Variants in SCN4A observed in about 807,000 individuals in gnomAD.
SCN4A encodes sodium voltage-gated channel alpha subunit 4.
SCN4A carries 83 observed loss-of-function variants against 162.0 expected under a neutral mutation model. The ratio of observed to expected loss-of-function variants is 0.51; its 90% CI spans 0.43 to 0.61. The LOEUF (loss-of-function observed/expected upper bound fraction) is 0.61. SCN4A is among the 20% of genes least tolerant of loss of function. The pLI, the probability that SCN4A is intolerant of heterozygous loss-of-function variation, is 0.00. For missense variants in SCN4A, 2,196 were observed against 2,462.5 expected, an observed-to-expected ratio of 0.89 and a Z score of 2.29; for synonymous variants, 944 against 985.1, an observed-to-expected ratio of 0.96 and a Z score of 0.78.
rs1370194200 is a variant in SCN4A at position 63,949,420 on chromosome 17, C to T, written c.2962G>A (p.Glu988Lys). The T allele has an allele frequency of 1.3e-6, 2 of 1,592,406 alleles. No individual in the cohort carries two copies. Among genetic ancestry groups the T allele is most frequent in the Non-Finnish European group, 8.6e-7 (1 of 1,168,810 alleles). ...EEQAEENPEG[E>K]QPEECFTEAC... ...TCAGTGAAGCACTCCTCAGGCTGCT[C>T]CCCCTCGGGGTTCTCCTCTGCCTGC... The change falls in exon 15 of 24, where the codon GAG becomes AAG. Residue 988 changes from glutamate (E) to lysine (K), a missense_variant. Physicochemically the swap from Glu to Lys is moderately conservative, Grantham distance 56. Transcript: ENST00000435607.
chr17:63,966,009 A>G, intron 8 of SCN4A, 93 bp downstream of exon 8: 1 of 955,072 alleles, frequency 1.0e-6, no homozygotes, highest in Non-Finnish European at 1.6e-6. Flanking sequence ...GGGGTTGGCC[A>G]TCCTGTGGTA....
chr17:63,948,177 C>CACAACT, intron 16 of SCN4A, 114 bp from the exon 17 acceptor site: 1 of 782,430 alleles, frequency 1.3e-6, no homozygotes, highest in Non-Finnish European at 2.0e-6. Flanking sequence ...GGGGGCCCAG[C>CACAACT]CCAAGGGACA....
At position 63,944,692 on chromosome 17, in the gene SCN4A, A is replaced by C. The variant is rs886043595; in HGVS notation, c.3893T>G (p.Phe1298Cys). The C allele has an allele frequency of 6.2e-7, 1 of 1,608,722 alleles. No homozygotes were observed. Among genetic ancestry groups the C allele is most frequent in the Non-Finnish European group, 8.5e-7 (1 of 1,177,530 alleles). The change falls in exon 21 of 24, where the codon TTC becomes TGC. Residue 1298 changes from phenylalanine (F) to cysteine (C), a missense_variant. By Grantham distance (205) the Phe-to-Cys change is radical. Transcript: ENST00000435607. This position sits in a 1 kb window ranked among gnomAD's most constrained non-coding sequence, Gnocchi z 4.3. ...NLFIGVIIDN[F>C]NQQKKKLGGK... ...ACTCATCTTCTTCTTCTGCTGGTTGAAGTTGTCAATGATGACGCCAATGAA... is the reference window on the plus strand; with the variant it reads ...ACTCATCTTCTTCTTCTGCTGGTTGCAGTTGTCAATGATGACGCCAATGAA...
At chr17:63,963,543 G>A in intron 10 of SCN4A, 129 bp downstream of exon 10, 4 of 968,476 alleles carry the variant, frequency 4.1e-6, no homozygotes, top group Non-Finnish European at 5.7e-6. Context: ...GCCCCACCCT[G>A]ACCTCAGGGG....
intron 11 of SCN4A, among the ~76,000 whole-genome samples, chr17:63,960,541 G>A (rs1376914129): frequency 6.6e-6 from 1 of 152,210 alleles, no homozygotes; most frequent in African/African-American, 2.4e-5. Context: ...AAGGGAATTG[G>A]GAAGGGTGGG....
chr17:63,948,453 A>G (rs1908798554), intron 16 of SCN4A, among the ~76,000 whole-genome samples, 158 bp downstream of exon 16: 1 of 152,148 alleles, frequency 6.6e-6, no homozygotes, highest in South Asian at 2.1e-4. Context: ...AGCACATCCT[A>G]TAACCTATCC....
At chr17:63,966,330 A>C in intron 7 of SCN4A, 87 bp from the exon 8 acceptor site, 1 of 1,472,964 alleles carries the variant, frequency 6.8e-7, no homozygotes, top group Non-Finnish European at 9.3e-7. Context: ...AAATTCCGTC[A>C]GTTCTGCCTG....
Position 63,957,157 on chromosome 17 carries a change from C to A in SCN4A, c.2376+5G>T. ...GGCAGGGGCCACCCAGCCAGCCTCA[C>A]TCACCACAAGATTGCCGATGACCAT... is the stretch of plus-strand genomic sequence containing the variant. On this transcript the variant is annotated splice_donor_5th_base_variant and intron_variant, in intron 13 of 23. Coordinates refer to ENST00000435607, the MANE Select transcript of SCN4A (RefSeq NM_000334.4). 1 of 1,560,570 alleles carries A rather than the reference C, an allele frequency of 6.4e-7. No individual in the cohort carries two copies. Among genetic ancestry groups the A allele is most frequent in the South Asian group, 1.2e-5 (1 of 82,196 alleles).
Position 63,951,622 on chromosome 17 carries a change from C to A in SCN4A, c.2655G>T (p.Glu885Asp). Residue 885 changes from glutamate to aspartate, a missense_variant, in exon 14 of 24, where the codon GAG becomes GAT. Glu to Asp is a conservative substitution (Grantham distance 45). Coordinates refer to ENST00000435607, the MANE Select transcript of SCN4A (RefSeq NM_000334.4). This position sits in a 1 kb window ranked among gnomAD's most constrained non-coding sequence, Gnocchi z 4.5. The stretch of plus-strand genomic sequence containing the variant: ...GGATGTGATTGTCCTTCTTCAGGTC[C>A]TCCTCGGGCGGCTCCTTCTTCTCAT... ...PEDEKKEPPE[E>D]DLKKDNHILN... 6.2e-7 allele frequency: 1 copy of A among 1,613,588 alleles called. No homozygotes were observed. Among genetic ancestry groups the A allele is most frequent in the Non-Finnish European group, 8.5e-7 (1 of 1,179,720 alleles).
In SCN4A at chr17:63,945,628, T is replaced by A; in HGVS notation, c.3452A>T (p.Asn1151Ile). Residue 1151 changes from asparagine (N) to isoleucine (I), a missense_variant, in exon 19 of 24, where the codon AAC (asparagine) becomes ATC (isoleucine). Asn to Ile is a moderately radical substitution (Grantham distance 149). Coordinates refer to ENST00000435607, the MANE Select transcript of SCN4A (RefSeq NM_000334.4). The surrounding 1 kb of genome is among the most constrained non-coding windows in gnomAD (Gnocchi z 4.4). ...GGAGGGGATGGCGCCTAGGAGGGCG[T>A]TCACCACCACCTGGGGGCCAGGGGG... ...SRFEGMRVVV[N>I]ALLGAIPSIM... 6.2e-7 allele frequency: 1 copy of A among 1,613,734 alleles called. No individual in the cohort carries two copies. The highest frequency in any genetic ancestry group is 8.5e-7 in the Non-Finnish European group (1 of 1,179,796).
At position 63,941,884 on chromosome 17, in the gene SCN4A, C is replaced by T. The variant is rs1384075799; in HGVS notation, c.4398G>A (p.Lys1466=). The T allele has an allele frequency of 1.5e-5, 24 of 1,613,482 alleles. No individual in the cohort carries two copies. The highest frequency in any genetic ancestry group is 2.0e-5 in the Non-Finnish European group (23 of 1,179,484). The change falls in exon 24 of 24, where the codon AAG becomes AAA. Residue 1466 remains lysine (K), a synonymous_variant. Transcript: ENST00000435607. This position sits in a 1 kb window ranked among gnomAD's most constrained non-coding sequence, Gnocchi z 6.2. ...GGGCGAACAGCAGCGTCCGGATGCC[C>T]TTGGCCCCGCGGATCAGCCGCAGGA... ...GRVLRLIRGA[K]GIRTLLFALM... is the part of the protein sequence containing the mutation.
chr17:63,948,305 G>T (rs1477788935), intron 16 of SCN4A, among the ~76,000 whole-genome samples: 1 of 152,144 alleles, frequency 6.6e-6, no homozygotes, highest in Non-Finnish European at 1.5e-5. Flanking sequence ...GCCATCATCT[G>T]CTGGGCAGGT....
In SCN4A at chr17:63,949,426, C is replaced by T. The variant is rs369128679; in HGVS notation, c.2956G>A (p.Glu986Lys). 42 of 1,596,512 alleles carry T rather than the reference C, an allele frequency of 2.6e-5. No individual in the cohort carries two copies. The highest frequency in any genetic ancestry group is 5.4e-5 in the African/African-American group (4 of 74,594). The change falls in exon 15 of 24, where the codon GAG (glutamate) becomes AAG (lysine). Residue 986 changes from glutamate (E) to lysine (K), a missense_variant. Physicochemically the swap from Glu to Lys is moderately conservative, Grantham distance 56. Transcript: ENST00000435607. Reference protein sequence around the residue: ...DPEEQAEENPEGEQPEECFTE... With the variant: ...DPEEQAEENPKGEQPEECFTE... ...AAGCACTCCTCAGGCTGCTCCCCCT[C>T]GGGGTTCTCCTCTGCCTGCTCCTCA...
intron 5 of SCN4A, among the ~76,000 whole-genome samples, chr17:63,970,668 G>A (rs375110413): frequency 6.6e-6 from 1 of 151,094 alleles, no homozygotes; most frequent in Non-Finnish European, 1.5e-5. Flanking sequence ...GAATCTCACT[G>A]TGTTGCCTAG....
At chr17:63,971,401 G>A (rs543581907) in intron 4 of SCN4A, 148 bp from the exon 5 acceptor site, 313 of 647,718 alleles carry the variant, frequency 4.8e-4, no homozygotes, top group Non-Finnish European at 7.4e-4. Context: ...CACCCCCAAA[G>A]CTCCTCTGGG....
chr17:63,953,219 G>T (rs969893291), intron 13 of SCN4A, among the ~76,000 whole-genome samples: 2 of 152,100 alleles, frequency 1.3e-5, no homozygotes, highest in African/African-American at 4.8e-5. Context: ...AGTTAGCTGG[G>T]CGTGGTGGCA....
intron 12 of SCN4A, among the ~76,000 whole-genome samples, chr17:63,958,982 T>C (rs1909159392): frequency 6.6e-6 from 1 of 152,000 alleles, no homozygotes; most frequent in African/African-American, 2.4e-5. Context: ...GGGGCTGGAG[T>C]TCCTGCTCCA....
Position 63,963,697 on chromosome 17 carries a change from G to C in SCN4A, c.1581C>G (p.Asp527Glu). Reference protein sequence around the residue: ...KGAPRQSSSGDSGISDAMEEL... With the variant: ...KGAPRQSSSGESGISDAMEEL... ...CTTCCATGGCGTCGGAGATGCCGCT[G>C]TCTCCGCTGCTGCTCTGCCTCGGGG... Residue 527 changes from aspartate to glutamate, a missense_variant, in exon 10 of 24, where the codon GAC becomes GAG. Transcript: ENST00000435607. 1.3e-6 allele frequency: 2 copies of C among 1,593,786 alleles called. No homozygotes were observed. Among genetic ancestry groups the C allele is most frequent in the South Asian group, 1.1e-5 (1 of 89,512 alleles).
intron 12 of SCN4A, among the ~76,000 whole-genome samples, chr17:63,957,998 C>T (rs1167673125): frequency 1.5e-5 from 2 of 130,104 alleles, no homozygotes; most frequent in Non-Finnish European, 3.3e-5. Context: ...GAACAAAACT[C>T]CACTAAAAAA....
Sources: gnomAD v4.1 joint callset for allele counts (sites outside exome capture counted in the v4.1 genomes callset) on GRCh38, gnomAD v4.1.1 for gene constraint, Gnocchi (gnomAD v3.1) non-coding constraint, MANE v1.5 for transcripts, NCBI Gene and HGNC (gene_info 2026-07-23, HGNC 2026-07-21) for gene names.